The following NCOR2 variants were observed in gnomAD, a reference collection of about 807,000 sequenced individuals.
NCOR2 encodes the protein CTG repeat protein 26.
A neutral mutation model predicts 262.9 loss-of-function variants in NCOR2; 81 were observed. The ratio of observed to expected loss-of-function variants is 0.31; its 90% CI spans 0.26 to 0.37. The LOEUF (loss-of-function observed/expected upper bound fraction) is 0.37, where lower values mean the gene tolerates loss of function less well. NCOR2 is among the 10% of genes least tolerant of loss of function. The probability of loss-of-function intolerance (pLI) is 1.00; values close to 1 mark genes in which losing one functional copy is unlikely to be tolerated. For missense variants in NCOR2, 3,385 were observed against 3,621.4 expected (o/e 0.93, Z 1.68); for synonymous variants, 1,659 against 1,559.3 (o/e 1.06, Z -1.51).
chr12:124,386,837 C>T (rs984374656), intron 16 of NCOR2, among the ~76,000 whole-genome samples: 9 of 152,256 alleles, frequency 5.9e-5, no homozygotes, highest in Non-Finnish European at 8.8e-5. Context: ...ACAGGCCAGG[C>T]AGCTCTATAT....
intron 11 of NCOR2, among the ~76,000 whole-genome samples, chr12:124,423,321 C>T (rs557382105): frequency 1.3e-5 from 2 of 152,210 alleles, no homozygotes; most frequent in Non-Finnish European, 2.9e-5. Flanking sequence ...CACAGCCCCA[C>T]AGCCTTCGCA....
At chr12:124,438,844 GAC>G (rs1405697055) in intron 7 of NCOR2, among the ~76,000 whole-genome samples, 2 of 150,054 alleles carry the variant, frequency 1.3e-5, no homozygotes, top group Admixed American at 6.6e-5. Flanking sequence ...GAGACCCAGA[GAC>G]AGAGGGAGAC....
At chr12:124,468,127 T>A (rs1233363514) in intron 4 of NCOR2, among the ~76,000 whole-genome samples, 1 of 47,426 alleles carries the variant, frequency 2.1e-5, no homozygotes, top group East Asian at 7.6e-4. Context: ...CACCCCTTCA[T>A]CCTCATCCTC....
chr12:124,415,382 A>G (rs1334169247), intron 13 of NCOR2, among the ~76,000 whole-genome samples: 5 of 152,200 alleles, frequency 3.3e-5, no homozygotes, highest in East Asian at 1.9e-4. Flanking sequence ...CTGCATCTCC[A>G]CTTAACAAGA....
chr12:124,456,826 G>A (rs1048436214), intron 6 of NCOR2, among the ~76,000 whole-genome samples: 11 of 152,206 alleles, frequency 7.2e-5, no homozygotes, highest in African/African-American at 2.7e-4. Flanking sequence ...CTCACAGCCC[G>A]AGCGGCCGGG....
chr12:124,499,374 G>C (rs2048561426), upstream of NCOR2, among the ~76,000 whole-genome samples: 1 of 152,260 alleles, frequency 6.6e-6, no homozygotes, highest in Admixed American at 6.5e-5. Flanking sequence ...TGAGCCCCGG[G>C]CTAGTGCTGG....
At chr12:124,437,304 G>A (rs1018086864) in intron 8 of NCOR2, among the ~76,000 whole-genome samples, 8 of 152,152 alleles carry the variant, frequency 5.3e-5, no homozygotes, top group East Asian at 1.9e-4. Context: ...GGGAATGGGT[G>A]ATGGCCACGG....
Position 124,549,915 on chromosome 12 carries a change from A to G in NCOR2, c.-164-14304T>C, listed in dbSNP as rs1365862882. On this transcript the variant is annotated intron_variant, in intron 1 of 32. Transcript: ENST00000458234. The surrounding 1 kb of genome is among the most constrained non-coding windows in gnomAD (Gnocchi z 4.4). Reference sequence around the variant, plus strand: ...GGTACTTATGGCAAGTATGTGAATGAACAAAATCTACATGCTGGGCGCAAG... The same window carrying G: ...GGTACTTATGGCAAGTATGTGAATGGACAAAATCTACATGCTGGGCGCAAG... Among the ~76,000 whole-genome samples the G allele has an allele frequency of 6.6e-6, 1 of 152,162 alleles. No individual in the cohort carries two copies. The highest frequency in any genetic ancestry group is 1.5e-5 in the Non-Finnish European group (1 of 68,012).
At chr12:124,439,424 G>A (rs28970887) in intron 7 of NCOR2, among the ~76,000 whole-genome samples, 1 of 17,444 alleles carries the variant, frequency 5.7e-5, no homozygotes, top group Non-Finnish European at 1.6e-4. Context: ...CAGAGAGAGA[G>A]AGAGAGAGAC....
intron 22 of NCOR2, among the ~76,000 whole-genome samples, chr12:124,359,383 G>GC (rs1410983419): frequency 1.3e-5 from 2 of 152,334 alleles, no homozygotes; most frequent in African/African-American, 2.4e-5. Flanking sequence ...AATTAATGAT[G>GC]CCTGCTGTGA....
At chr12:124,355,727 A>T (rs1357070534) in intron 23 of NCOR2, among the ~76,000 whole-genome samples, 156 bp from the exon 26 acceptor site, 3 of 152,034 alleles carry the variant, frequency 2.0e-5, no homozygotes, top group African/African-American at 7.3e-5. Flanking sequence ...TGTCCTCATT[A>T]GTGACCCGAG....
chr12:124,531,755 G>C lies in NCOR2; in HGVS notation c.-118+3810C>G, dbSNP rs1297847110. On this transcript the variant is annotated intron_variant, in intron 1 of 46. Coordinates refer to the NCOR2 transcript ENST00000404621. This position sits in a 1 kb window ranked among gnomAD's most constrained non-coding sequence, Gnocchi z 4.5. Reference sequence around the variant, plus strand: ...CGAGAGGTGAGATCCCACCGGGCCAGGGCCCTAAAACCTCCCCCTACACAC... The same window carrying C: ...CGAGAGGTGAGATCCCACCGGGCCACGGCCCTAAAACCTCCCCCTACACAC... Among the ~76,000 whole-genome samples the C allele has an allele frequency of 6.6e-6, 1 of 151,514 alleles. No homozygotes were observed. The highest frequency in any genetic ancestry group is 1.5e-5 in the Non-Finnish European group (1 of 67,824).
chr12:124,478,894 C>T (rs1247055365), intron 3 of NCOR2, among the ~76,000 whole-genome samples: 1 of 152,154 alleles, frequency 6.6e-6, no homozygotes, highest in Non-Finnish European at 1.5e-5. Context: ...CAGAGACAGA[C>T]ACAGAGACTA....
Position 124,327,652 on chromosome 12 carries a change from C to T in NCOR2, c.6959-19G>A. 6.3e-7 allele frequency: 1 copy of T among 1,579,148 alleles called. No individual in the cohort carries two copies. The highest frequency in any genetic ancestry group is 8.6e-7 in the Non-Finnish European group (1 of 1,164,906). ...ATAAGGCCTGGGAGAGAGAGACAGA[C>T]AGACAGACAGACACATGGGGGCCGG... On this transcript the variant is annotated intron_variant, in intron 44 of 46. Transcript: ENST00000405201.
intron 17 of NCOR2, among the ~76,000 whole-genome samples, chr12:124,385,087 G>T (rs1294416413): frequency 6.6e-6 from 1 of 152,064 alleles, no homozygotes; most frequent in Non-Finnish European, 1.5e-5. Context: ...AGGCAGCAGA[G>T]GTCTCCCCAA....
At chr12:124,405,168 C>A (rs12821371) in intron 13 of NCOR2, among the ~76,000 whole-genome samples, 2 of 152,228 alleles carry the variant, frequency 1.3e-5, no homozygotes, top group African/African-American at 4.8e-5. Context: ...CCCCCTCGCT[C>A]CTGGAACGTC....
At chr12:124,382,901 G>A (rs2040517482) in intron 17 of NCOR2, among the ~76,000 whole-genome samples, 1 of 152,222 alleles carries the variant, frequency 6.6e-6, no homozygotes, top group Non-Finnish European at 1.5e-5. Flanking sequence ...TTTTACAGAG[G>A]TGGAAACTGA....
At chr12:124,380,726 G>A (rs571183297) in intron 17 of NCOR2, among the ~76,000 whole-genome samples, 6 of 152,240 alleles carry the variant, frequency 3.9e-5, no homozygotes, top group African/African-American at 1.4e-4. Context: ...AGGGAACAGG[G>A]GTCTCCTGTC....
upstream of NCOR2, chr12:124,538,909 T>G (rs752483457): frequency 6.6e-6 from 1 of 152,270 alleles, no homozygotes; most frequent in Non-Finnish European, 1.5e-5. Context: ...CCCGTGTCCC[T>G]GGCCAGGAAA....
Sources: gnomAD v4.1 joint callset for allele counts (sites outside exome capture counted in the v4.1 genomes callset) on GRCh38, gnomAD v4.1.1 for gene constraint, Gnocchi (gnomAD v3.1) non-coding constraint, MANE v1.5 for transcripts, NCBI Gene and HGNC (gene_info 2026-07-23, HGNC 2026-07-21) for gene names.